Variants in NLGN1 observed in about 807,000 individuals in gnomAD.
NLGN1 encodes the protein neuroligin-1.
NLGN1 carries 12 observed loss-of-function variants against 65.5 expected under a neutral mutation model. The ratio of observed to expected loss-of-function variants is 0.18; its 90% CI spans 0.12 to 0.30. NLGN1 has a LOEUF of 0.30. Ranked by LOEUF, NLGN1 falls within the 10% of genes least tolerant of loss-of-function variation. NLGN1 has a pLI of 1.00. For synonymous variants in NLGN1, 350 were observed against 359.5 expected, an observed-to-expected ratio of 0.97 and a Z score of 0.30; for missense variants, 750 against 1,007.1, an observed-to-expected ratio of 0.74 and a Z score of 3.46.
At chr3:173,408,729 G>A (rs1344686427) in intron 1 of NLGN1, among the ~76,000 whole-genome samples, 1 of 152,076 alleles carries the variant, frequency 6.6e-6, no homozygotes, top group Non-Finnish European at 1.5e-5. Context: ...TGGCTAATAC[G>A]GTGAAACCCC....
At chr3:173,588,294 A>G (rs1333971476) in intron 2 of NLGN1, among the ~76,000 whole-genome samples, 2 of 152,220 alleles carry the variant, frequency 1.3e-5, no homozygotes, top group Admixed American at 1.3e-4. Context: ...ATGATTTCTA[A>G]GAAAAATGAT....
At chr3:174,222,219 T>A (rs543545738) in intron 4 of NLGN1, among the ~76,000 whole-genome samples, 2 of 152,284 alleles carry the variant, frequency 1.3e-5, no homozygotes, top group African/African-American at 4.8e-5. Context: ...ATGCGGTCTG[T>A]GATTTTATGG....
intron 4 of NLGN1, among the ~76,000 whole-genome samples, chr3:174,263,627 C>T (rs2152862956): frequency 6.6e-6 from 1 of 152,186 alleles, no homozygotes; most frequent in Middle Eastern, 3.4e-3. Context: ...TGGGTCTTGA[C>T]TCTTTATCCA....
At chr3:173,538,955 TTTC>T (rs1380102359) in intron 2 of NLGN1, among the ~76,000 whole-genome samples, 3 of 151,892 alleles carry the variant, frequency 2.0e-5, no homozygotes, top group Non-Finnish European at 4.4e-5. Context: ...TCCAATCATG[TTTC>T]TTCCAAGTCC....
chr3:174,010,837 A>T (rs951105521), intron 4 of NLGN1, among the ~76,000 whole-genome samples: 1 of 152,164 alleles, frequency 6.6e-6, no homozygotes, highest in African/African-American at 2.4e-5. Flanking sequence ...GCCTAGAAAA[A>T]TTAATATCAT....
At chr3:173,778,184 G>A (rs1429643317) in intron 3 of NLGN1, among the ~76,000 whole-genome samples, 4 of 151,522 alleles carry the variant, frequency 2.6e-5, no homozygotes, top group Non-Finnish European at 5.9e-5. Context: ...GTTTTTCATT[G>A]TGTATAATTA....
At chr3:173,498,536 T>C (rs1239078760) in intron 2 of NLGN1, among the ~76,000 whole-genome samples, 3 of 151,822 alleles carry the variant, frequency 2.0e-5, no homozygotes, top group Non-Finnish European at 4.4e-5. Context: ...GGCTTTATAG[T>C]AGCATGTTTT....
intron 4 of NLGN1, among the ~76,000 whole-genome samples, chr3:173,981,673 G>C (rs1011816714): frequency 6.6e-6 from 1 of 152,032 alleles, no homozygotes; most frequent in Non-Finnish European, 1.5e-5. Context: ...TGTATATAGA[G>C]AAATATCTTA....
intron 4 of NLGN1, among the ~76,000 whole-genome samples, chr3:173,989,272 C>CT (rs1720587496): frequency 6.6e-6 from 1 of 152,140 alleles, no homozygotes; most frequent in Non-Finnish European, 1.5e-5. Flanking sequence ...TCAGAACAAT[C>CT]TAAGTCAGTT....
intron 1 of NLGN1, among the ~76,000 whole-genome samples, chr3:173,403,110 T>C (rs1414922829): frequency 1.3e-5 from 2 of 152,158 alleles, no homozygotes; most frequent in African/African-American, 4.8e-5. Flanking sequence ...ATGGAATAAA[T>C]GGTGTATATG....
intron 4 of NLGN1, among the ~76,000 whole-genome samples, chr3:174,020,898 A>G (rs1727631218): frequency 6.6e-6 from 1 of 152,148 alleles, no homozygotes; most frequent in Non-Finnish European, 1.5e-5. Context: ...TGCTAAAAGC[A>G]TTTAGAAGTG....
the NLGN1 span, among the ~76,000 whole-genome samples, chr3:174,292,631 T>C: frequency 1.3e-5 from 2 of 150,410 alleles, no homozygotes; most frequent in Non-Finnish European, 3.0e-5. Context: ...CCACCAACTA[T>C]ACAGCAAGGT....
intron 3 of NLGN1, among the ~76,000 whole-genome samples, chr3:173,728,884 G>A (rs191112142): frequency 6.6e-6 from 1 of 152,124 alleles, no homozygotes; most frequent in East Asian, 1.9e-4. Context: ...AACTGTGAGA[G>A]GATAAATTTC....
At chr3:173,523,384 T>C (rs994618249) in intron 2 of NLGN1, among the ~76,000 whole-genome samples, 1 of 151,736 alleles carries the variant, frequency 6.6e-6, no homozygotes, top group Non-Finnish European at 1.5e-5. Flanking sequence ...TTTTATAGTT[T>C]CAGGTATTAT....
intron 4 of NLGN1, among the ~76,000 whole-genome samples, chr3:174,025,939 G>T (rs1728745776): frequency 6.6e-6 from 1 of 152,106 alleles, no homozygotes; most frequent in South Asian, 2.1e-4. Context: ...CATTTTATCT[G>T]TAGTTTCAAA....
Position 173,772,637 on chromosome 3 carries a change from A to G in NLGN1, c.494-35043A>G, listed in dbSNP as rs1283260419. On this transcript the variant is annotated intron_variant, in intron 3 of 6. Coordinates refer to ENST00000457714, the Ensembl canonical transcript of NLGN1. ...CCGTCCCACTTAGATAACAATAAAA[A>G]CATCAGCAACAAAAACTTGATATGC... Among the ~76,000 whole-genome samples the G allele has an allele frequency of 2.0e-5, 3 of 152,138 alleles. No individual in the cohort carries two copies. The East Asian group carries it at 5.8e-4, about 29-fold the overall frequency.
chr3:173,775,406 AC>A (rs1780164170), intron 3 of NLGN1, among the ~76,000 whole-genome samples: 1 of 151,540 alleles, frequency 6.6e-6, no homozygotes, highest in South Asian at 2.1e-4. Context: ...AGTTGAACAG[AC>A]CTGAATTTGA....
intron 3 of NLGN1, among the ~76,000 whole-genome samples, chr3:173,619,364 C>T (rs1372548326): frequency 6.6e-6 from 1 of 152,096 alleles, no homozygotes; most frequent in Non-Finnish European, 1.5e-5. Context: ...CTTGTTTTAA[C>T]GCACTTGTTC....
chr3:173,425,115 C>A (rs894474687), intron 1 of NLGN1, among the ~76,000 whole-genome samples: 10 of 152,114 alleles, frequency 6.6e-5, no homozygotes, highest in African/African-American at 2.4e-4. Flanking sequence ...GAGAGAAGAG[C>A]GAGGAAGTGC....
Sources: gnomAD v4.1 joint callset for allele counts (sites outside exome capture counted in the v4.1 genomes callset) on GRCh38, gnomAD v4.1.1 for gene constraint, MANE v1.5 for transcripts, NCBI Gene and HGNC (gene_info 2026-07-23, HGNC 2026-07-21) for gene names.